Variants in GABRB3 observed in about 807,000 individuals in gnomAD.
GABRB3 encodes gamma-aminobutyric acid type A receptor subunit beta3, also known as gamma-aminobutyric acid receptor subunit beta-3.
GABRB3 carries 14 observed loss-of-function variants against 52.1 expected under a neutral mutation model. The ratio of observed to expected loss-of-function variants is 0.27; its 90% CI spans 0.18 to 0.42. GABRB3 has a LOEUF of 0.42. Ranked by LOEUF, GABRB3 falls within the 10% of genes least tolerant of loss-of-function variation. The pLI is 1.00. For missense variants in GABRB3, 307 were observed against 609.1 expected (o/e 0.50, Z 5.22); for synonymous variants, 260 against 232.3 (o/e 1.12, Z -1.08).
chr15:26,657,433 T>A (rs1887408205), intron 3 of GABRB3: 1 of 152,168 alleles, frequency 6.6e-6, no homozygotes, highest in African/African-American at 2.4e-5. Context: ...CCTAGTTTAG[T>A]AACAGAGACC....
At chr15:26,704,418 A>G (rs572587966) in intron 3 of GABRB3, among the ~76,000 whole-genome samples, 2 of 152,188 alleles carry the variant, frequency 1.3e-5, no homozygotes, top group Admixed American at 6.5e-5. Context: ...CTTGATGTAT[A>G]TAGCCCCTGG....
intron 3 of GABRB3, among the ~76,000 whole-genome samples, chr15:26,759,464 T>C (rs1390251075): frequency 6.6e-6 from 1 of 152,176 alleles, no homozygotes; most frequent in Non-Finnish European, 1.5e-5. Context: ...TTTCACCATG[T>C]TGGCCAGACT....
At chr15:26,761,994 G>A (rs1232042148) in intron 3 of GABRB3, among the ~76,000 whole-genome samples, 6 of 152,046 alleles carry the variant, frequency 3.9e-5, no homozygotes, top group African/African-American at 7.2e-5. Flanking sequence ...AATCACGCCC[G>A]GCTAATTTTT....
intron 4 of GABRB3, among the ~76,000 whole-genome samples, chr15:26,586,385 C>CA (rs1231664886): frequency 7.4e-6 from 1 of 135,814 alleles, no homozygotes; most frequent in Non-Finnish European, 1.6e-5. Context: ...ATTCACTTTT[C>CA]AAACCACCCC....
intron 3 of GABRB3, among the ~76,000 whole-genome samples, chr15:26,670,402 G>A (rs116013835): frequency 1.3e-5 from 2 of 152,162 alleles, no homozygotes; most frequent in African/African-American, 4.8e-5. Context: ...CAGGTCTGAC[G>A]ACAGCAGGGT....
intron 4 of GABRB3, among the ~76,000 whole-genome samples, chr15:26,593,444 T>C (rs947480059): frequency 3.3e-5 from 5 of 152,206 alleles, no homozygotes; most frequent in Non-Finnish European, 1.5e-5. Context: ...ACAGAAACTC[T>C]GTACCTTTTA....
At chr15:26,614,187 T>C (rs1335257103) in intron 4 of GABRB3, 1 of 152,180 alleles carries the variant, frequency 6.6e-6, no homozygotes, top group African/African-American at 2.4e-5. Flanking sequence ...AGCCAACAGA[T>C]AGCTCAGGTG....
At chr15:26,724,317 C>G (rs527377043) in intron 3 of GABRB3, among the ~76,000 whole-genome samples, 4 of 152,132 alleles carry the variant, frequency 2.6e-5, no homozygotes, top group Non-Finnish European at 5.9e-5. Flanking sequence ...ATGAACCCCC[C>G]TCTTGGCCAA....
chr15:26,661,266 A>G (rs1333318723), intron 3 of GABRB3, among the ~76,000 whole-genome samples: 1 of 152,134 alleles, frequency 6.6e-6, no homozygotes, highest in Non-Finnish European at 1.5e-5. Flanking sequence ...TGACATACCC[A>G]CATACATGCA....
At chr15:26,741,314 C>T (rs1595336441) in intron 3 of GABRB3, among the ~76,000 whole-genome samples, 1 of 152,216 alleles carries the variant, frequency 6.6e-6, no homozygotes, top group East Asian at 1.9e-4. Flanking sequence ...AACATGGTAG[C>T]CTTTCCAATG....
At chr15:26,583,531 T>C (rs1029194581) in intron 4 of GABRB3, 117 bp from the exon 5 acceptor site, 1 of 757,344 alleles carries the variant, frequency 1.3e-6, no homozygotes, top group African/African-American at 1.7e-5. Flanking sequence ...TACGCCTGGC[T>C]AAACATCATT....
intron 3 of GABRB3, among the ~76,000 whole-genome samples, chr15:26,682,119 A>G (rs1246437261): frequency 2.0e-5 from 3 of 152,112 alleles, no homozygotes; most frequent in Non-Finnish European, 4.4e-5. Flanking sequence ...TCCTTATAAG[A>G]CCTGGTGCTA....
intron 3 of GABRB3, among the ~76,000 whole-genome samples, chr15:26,648,029 T>C (rs1214983717): frequency 6.6e-6 from 1 of 152,198 alleles, no homozygotes; most frequent in African/African-American, 2.4e-5. Context: ...CATCTGTAAG[T>C]GTTCAGTTCA....
At chr15:26,756,489 G>A (rs1049731817) in intron 3 of GABRB3, among the ~76,000 whole-genome samples, 1 of 151,758 alleles carries the variant, frequency 6.6e-6, no homozygotes, top group Non-Finnish European at 1.5e-5. Flanking sequence ...GAGGTGGGAG[G>A]GTCACTTGAG....
intron 3 of GABRB3, among the ~76,000 whole-genome samples, chr15:26,700,777 C>T (rs762219617): frequency 6.6e-5 from 10 of 152,174 alleles, no homozygotes; most frequent in East Asian, 1.9e-4. Flanking sequence ...AACTCTCGGC[C>T]AGGTACAGTG....
chr15:26,572,185 A>G (rs967293964), intron 6 of GABRB3, among the ~76,000 whole-genome samples: 1 of 152,258 alleles, frequency 6.6e-6, no homozygotes, highest in Non-Finnish European at 1.5e-5. Flanking sequence ...ATAAAAGCAC[A>G]GTTTACCTTC....
intron 3 of GABRB3, among the ~76,000 whole-genome samples, chr15:26,641,283 C>T (rs140697353): frequency 1.1e-4 from 16 of 152,354 alleles, no homozygotes; most frequent in African/African-American, 3.6e-4. Context: ...AGAACTTGCT[C>T]GCTGCATGCT....
In GABRB3 at chr15:26,607,391, C is replaced by T. The variant is rs377602355; in HGVS notation, c.461+13923G>A. 5.9e-5 allele frequency among the ~76,000 whole-genome samples: 9 copies of T among 152,120 alleles called. No homozygotes were observed. In the South Asian group the frequency reaches 1.9e-3, roughly 32 times the overall value. The stretch of plus-strand genomic sequence containing the variant: ...TTCTAGAGTAACCTGAGCAACATAA[C>T]AAGGCCCATCTCTACAAAAAGTCTT... On this transcript the variant is annotated intron_variant, in intron 4 of 8. Transcript: ENST00000311550.
chr15:26,675,708 G>A (rs1242075156), intron 3 of GABRB3, among the ~76,000 whole-genome samples: 1 of 152,038 alleles, frequency 6.6e-6, no homozygotes, highest in African/African-American at 2.4e-5. Context: ...GTGGGGGGAG[G>A]TCAGTCAATA....
Sources: allele counts gnomAD v4.1 joint callset (sites outside exome capture counted in the v4.1 genomes callset), GRCh38; gene constraint gnomAD v4.1.1; transcripts MANE v1.5; gene names NCBI Gene and HGNC (gene_info 2026-07-23, HGNC 2026-07-21).